Variants in MYLK4 observed in about 807,000 individuals in gnomAD.
MYLK4 encodes caMLCK like.
In MYLK4, 46 loss-of-function variants were observed where a neutral mutation model predicts 48.1. The ratio of observed to expected loss-of-function variants is 0.96; its 90% CI spans 0.75 to 1.22. The LOEUF (loss-of-function observed/expected upper bound fraction) is 1.22. Ranked by LOEUF, MYLK4 falls within the 50% of genes most tolerant of loss-of-function variation. The pLI is 0.00. For synonymous variants in MYLK4, 170 were observed against 180.8 expected, an observed-to-expected ratio of 0.94 and a Z score of 0.48; for missense variants, 451 against 486.1, an observed-to-expected ratio of 0.93 and a Z score of 0.68.
In MYLK4 at chr6:2,680,234, CA is replaced by C. The variant is rs1233521074; in HGVS notation, c.744del (p.Phe248LeufsTer13). 6.2e-7 allele frequency: 1 copy of C among 1,614,110 alleles called. No individual in the cohort carries two copies. The highest frequency in any genetic ancestry group is 8.5e-7 in the Non-Finnish European group (1 of 1,180,006). On this transcript the variant is annotated frameshift_variant, in exon 8 of 13. Coordinates refer to ENST00000274643, the MANE Select transcript of MYLK4 (RefSeq NM_001012418.5). LOFTEE classifies it high-confidence loss of function. ...RDAKQIKIID[F>X]GLARRYKPRE... ...AAATAGACATACCTTCTGGCCAATC[CA>C]AAATCAATAATTTTTATTTGCTTAG...
At chr6:2,680,404 C>A in intron 7 of MYLK4, 113 bp from the exon 8 acceptor site, 1 of 1,566,744 alleles carries the variant, frequency 6.4e-7, no homozygotes, top group South Asian at 1.2e-5. Context: ...TCAGGCCTTT[C>A]ACTTCGGGGC....
rs1250813953 is a variant in MYLK4 at position 2,744,366 on chromosome 6, G to T, written c.159+4770C>A. Among the ~76,000 whole-genome samples, 4 of 152,222 alleles carry T rather than the reference G, an allele frequency of 2.6e-5. No individual in the cohort carries two copies. The East Asian group carries it at 5.8e-4, about 22-fold the overall frequency. On this transcript the variant is annotated intron_variant, in intron 2 of 12. Coordinates refer to ENST00000274643, the MANE Select transcript of MYLK4 (RefSeq NM_001012418.5). ...AAGGACAATTAGCACCACTGTATCT[G>T]GCAACTGCTGGCTGCCGAGGCTGGG... is the stretch of plus-strand genomic sequence containing the variant.
chr6:2,755,447 T>C (rs963442266), upstream of MYLK4, among the ~76,000 whole-genome samples: 33 of 152,368 alleles, frequency 2.2e-4, no homozygotes, highest in African/African-American at 7.0e-4. Context: ...CTTTCTCACA[T>C]AACAGAATCT....
intron 2 of MYLK4, among the ~76,000 whole-genome samples, chr6:2,694,580 G>GCT (rs1561846190): frequency 3.4e-4 from 42 of 124,458 alleles, no homozygotes; most frequent in South Asian, 7.5e-4. Context: ...TAGTGCTGCT[G>GCT]GTGGTGGTGG....
At chr6:2,768,147 C>G in the MYLK4 span, among the ~76,000 whole-genome samples, 9 of 152,150 alleles carry the variant, frequency 5.9e-5, no homozygotes, top group African/African-American at 1.9e-4. Flanking sequence ...CATCTCCTAC[C>G]AGAGTGAACA....
intron 2 of MYLK4, among the ~76,000 whole-genome samples, chr6:2,711,883 GT>G (rs1357426743): frequency 1.3e-5 from 2 of 152,158 alleles, no homozygotes; most frequent in East Asian, 1.9e-4. Context: ...AATGATAAAT[GT>G]TTTTCAAAAT....
chr6:2,765,579 G>T, the MYLK4 span: 6 of 1,441,468 alleles, frequency 4.2e-6, no homozygotes, highest in East Asian at 3.1e-5. Context: ...CGTGCGCACG[G>T]GTTGCTGCGG....
Position 2,685,244 on chromosome 6 carries a change from C to A in MYLK4, c.545+52G>T. ...GGACGGAGCTACTGAGGCACGGTCA[C>A]GGTCATGAGTGCCCTTGGGGAGGTC... On this transcript the variant is annotated intron_variant, in intron 6 of 12. Transcript: ENST00000274643. This position sits in a 1 kb window ranked among gnomAD's most constrained non-coding sequence, Gnocchi z 4.5. The A allele has an allele frequency of 7.3e-7, 1 of 1,377,706 alleles. No homozygotes were observed. Among genetic ancestry groups the A allele is most frequent in the Non-Finnish European group, 1.0e-6 (1 of 968,860 alleles). 85.3% of individuals were successfully genotyped at this position (1,377,706 alleles called of 1,614,324 possible).
chr6:2,699,457 A>ATT (rs11398275), intron 2 of MYLK4, among the ~76,000 whole-genome samples: 14,926 of 138,048 alleles, frequency 0.11, 909 homozygotes, highest in East Asian at 0.15. Context: ...CACCTGGCTA[A>ATT]TTTTTTTTTT....
Position 2,749,705 on chromosome 6 carries a change from G to T in MYLK4, c.-112-299C>A, listed in dbSNP as rs77300850. Reference sequence around the variant, plus strand: ...AGCCGTAGATCAAGTGGCCAGCTTGGATGTAAATTATAAAGTATCTTTGGG... The same window carrying T: ...AGCCGTAGATCAAGTGGCCAGCTTGTATGTAAATTATAAAGTATCTTTGGG... On this transcript the variant is annotated intron_variant, in intron 1 of 12. Transcript: ENST00000274643. 8.7e-3 allele frequency among the ~76,000 whole-genome samples: 1,325 copies of T among 152,284 alleles called. 18 individuals are homozygous for T. The highest frequency in any genetic ancestry group is 0.03 in the African/African-American group (1,264 of 41,546).
At position 2,672,363 on chromosome 6, in the gene MYLK4, G is replaced by A. The variant is rs753625164; in HGVS notation, c.1120-1015C>T. Among the ~76,000 whole-genome samples the A allele has an allele frequency of 6.6e-6, 1 of 152,050 alleles. No individual in the cohort carries two copies. The highest frequency in any genetic ancestry group is 1.9e-4 in the East Asian group (1 of 5,194). ...GACGTAAGAAAGGCTGCAAACCATCGCATGTCACCTTGAGCATAATACAGA... is the reference window on the plus strand; with the variant it reads ...GACGTAAGAAAGGCTGCAAACCATCACATGTCACCTTGAGCATAATACAGA... On this transcript the variant is annotated intron_variant, in intron 11 of 12. Transcript: ENST00000274643. This position sits in a 1 kb window ranked among gnomAD's most constrained non-coding sequence, Gnocchi z 4.3.
At chr6:2,694,685 G>A (rs1018980434) in intron 2 of MYLK4, among the ~76,000 whole-genome samples, 1 of 151,500 alleles carries the variant, frequency 6.6e-6, no homozygotes, top group Non-Finnish European at 1.5e-5. Context: ...CAGCTACCAT[G>A]TATTGTGCAC....
the MYLK4 span, among the ~76,000 whole-genome samples, chr6:2,766,879 AAATT>A: frequency 3.3e-5 from 5 of 152,084 alleles, no homozygotes; most frequent in East Asian, 1.9e-4. Context: ...GAAAAAAATC[AAATT>A]AATTCTGTTG....
chr6:2,763,271 C>G, the MYLK4 span, among the ~76,000 whole-genome samples: 1 of 152,284 alleles, frequency 6.6e-6, no homozygotes, highest in African/African-American at 2.4e-5. Context: ...CAGTTGGCTT[C>G]TCCCATTAAT....
intron 2 of MYLK4, among the ~76,000 whole-genome samples, chr6:2,747,055 A>G (rs1764118502): frequency 6.6e-6 from 1 of 152,226 alleles, no homozygotes; most frequent in African/African-American, 2.4e-5. Context: ...TTCTCCATTT[A>G]CAAGTAAGAA....
intron 2 of MYLK4, among the ~76,000 whole-genome samples, chr6:2,736,254 T>C (rs1763669821): frequency 6.6e-6 from 1 of 152,260 alleles, no homozygotes. Flanking sequence ...TTATTATTGC[T>C]GTTGCTGTTG....
At chr6:2,769,838 C>T in the MYLK4 span, among the ~76,000 whole-genome samples, 7 of 152,152 alleles carry the variant, frequency 4.6e-5, 1 homozygote, top group Admixed American at 3.9e-4. Context: ...GTAAAGAAAT[C>T]ATTTATGTTG....
chr6:2,769,214 C>T, the MYLK4 span, among the ~76,000 whole-genome samples: 2 of 152,154 alleles, frequency 1.3e-5, no homozygotes, highest in South Asian at 4.2e-4. Context: ...ATTTTAAGGT[C>T]ATTATTTTAA....
intron 2 of MYLK4, among the ~76,000 whole-genome samples, chr6:2,720,328 C>T (rs776093382): frequency 1.3e-5 from 2 of 151,842 alleles, no homozygotes; most frequent in Non-Finnish European, 2.9e-5. Flanking sequence ...TGCTTGAACC[C>T]GGGAGGCAGA....
Sources: gnomAD v4.1 joint callset for allele counts (sites outside exome capture counted in the v4.1 genomes callset) on GRCh38, gnomAD v4.1.1 for gene constraint, Gnocchi (gnomAD v3.1) non-coding constraint, MANE v1.5 for transcripts, NCBI Gene and HGNC (gene_info 2026-07-23, HGNC 2026-07-21) for gene names.